Variants in BCR observed in about 807,000 individuals in gnomAD.
The protein encoded by BCR is breakpoint cluster region protein.
BCR carries 58 observed loss-of-function variants against 138.6 expected under a neutral mutation model. The ratio of observed to expected loss-of-function variants is 0.42; its 90% CI spans 0.34 to 0.52. The LOEUF (loss-of-function observed/expected upper bound fraction) is 0.52. Among genes scored for constraint, BCR ranks in the 20% least tolerant of loss-of-function variants. The pLI is 0.06. For missense variants in BCR, 1,599 were observed against 1,727.2 expected (o/e 0.93, Z 1.32); for synonymous variants, 786 against 730.1 (o/e 1.08, Z -1.23).
chr22:23,197,948 G>A (rs565359257), intron 1 of BCR, among the ~76,000 whole-genome samples: 13 of 152,228 alleles, frequency 8.5e-5, no homozygotes, highest in East Asian at 3.9e-4. Flanking sequence ...AGGGCCTTTC[G>A]GAGAGAGGAC....
chr22:23,252,326 C>A (rs566831467), intron 1 of BCR, among the ~76,000 whole-genome samples: 1 of 152,262 alleles, frequency 6.6e-6, no homozygotes, highest in South Asian at 2.1e-4. Context: ...CTGTGCTCCT[C>A]ACCCCATCAG....
At chr22:23,283,761 A>G (rs2073677079) in intron 8 of BCR, 2 of 575,470 alleles carry the variant, frequency 3.5e-6, no homozygotes, top group Non-Finnish European at 5.7e-6. Context: ...TTTGTTGAAC[A>G]AAGAAGTTAC....
At chr22:23,243,800 G>A (rs1442420146) in intron 1 of BCR, among the ~76,000 whole-genome samples, 6 of 151,788 alleles carry the variant, frequency 4.0e-5, no homozygotes, top group Non-Finnish European at 4.4e-5. Flanking sequence ...CTGCCACCAC[G>A]CCCAGCTAAT....
At chr22:23,212,914 G>A (rs1476298012) in intron 1 of BCR, among the ~76,000 whole-genome samples, 1 of 152,228 alleles carries the variant, frequency 6.6e-6, no homozygotes, top group Non-Finnish European at 1.5e-5. Context: ...TGTCTTGTCT[G>A]CAGAAAACTT....
At chr22:23,210,018 T>G (rs1442884760) in intron 1 of BCR, among the ~76,000 whole-genome samples, 1 of 152,224 alleles carries the variant, frequency 6.6e-6, no homozygotes, top group East Asian at 1.9e-4. Context: ...CTTCCTTTAC[T>G]GTTTCAACAA....
intron 20 of BCR, among the ~76,000 whole-genome samples, chr22:23,313,693 A>T (rs140427): frequency 5.9e-5 from 9 of 152,116 alleles, no homozygotes. Context: ...GTCCAAGGGC[A>T]GCTCTGCCCA....
At chr22:23,242,334 CG>C (rs1376020577) in intron 1 of BCR, among the ~76,000 whole-genome samples, 1 of 152,144 alleles carries the variant, frequency 6.6e-6, no homozygotes. Context: ...CTGCAGCCCC[CG>C]ATTCCATCTC....
In BCR at chr22:23,295,008, T is replaced by C; in HGVS notation, c.2881-16T>C. On this transcript the variant is annotated splice_polypyrimidine_tract_variant and intron_variant, in intron 15 of 22. Transcript: ENST00000305877. The stretch of plus-strand genomic sequence containing the variant: ...GTTTGTTCACACTGGACTTCCCTTC[T>C]CCCTTGGGGCTGCAGGAATTTGAGA... 6.2e-7 allele frequency: 1 copy of C among 1,613,290 alleles called. No individual in the cohort carries two copies. Among genetic ancestry groups the C allele is most frequent in the Non-Finnish European group, 8.5e-7 (1 of 1,179,436 alleles).
rs150700416 is a variant in BCR, at chr22:23,224,571, G to T, written c.1280-29228G>T. Among the ~76,000 whole-genome samples the T allele has an allele frequency of 4.2e-4, 64 of 152,306 alleles. No individual in the cohort carries two copies. In the East Asian group the frequency reaches 0.01, roughly 24 times the overall value. On this transcript the variant is annotated intron_variant, in intron 1 of 22. Transcript: ENST00000305877. ...CAGAGACGCTGGCCTCCTCAAAGGA[G>T]GAAAGACACCCTCCAAAACCTGCTG...
intron 16 of BCR, among the ~76,000 whole-genome samples, chr22:23,301,751 T>C (rs1456906587): frequency 1.3e-5 from 2 of 152,178 alleles, no homozygotes; most frequent in Admixed American, 1.3e-4. Context: ...GTCTTCTTGT[T>C]CTTGGGGACC....
intron 20 of BCR, among the ~76,000 whole-genome samples, chr22:23,313,337 G>A (rs529169930): frequency 1.2e-4 from 18 of 152,354 alleles, no homozygotes; most frequent in African/African-American, 4.3e-4. Context: ...GTGCCTGGGT[G>A]CTCTTGCCAT....
At chr22:23,268,335 C>G in intron 4 of BCR, 73 bp from the exon 5 acceptor site, 1 of 1,285,118 alleles carries the variant, frequency 7.8e-7, no homozygotes, top group South Asian at 1.3e-5. Flanking sequence ...GAGCTGTGCA[C>G]GGGAGCCTGC....
intron 1 of BCR, among the ~76,000 whole-genome samples, chr22:23,208,605 C>T (rs1415409069): frequency 6.6e-6 from 1 of 152,190 alleles, no homozygotes; most frequent in East Asian, 1.9e-4. Flanking sequence ...ATAATCCCAG[C>T]ACTTTGGGAG....
chr22:23,294,918 C>G, intron 15 of BCR, 106 bp from the exon 16 acceptor site: 1 of 1,442,382 alleles, frequency 6.9e-7, no homozygotes, highest in Non-Finnish European at 9.5e-7. Context: ...ATTGGTCCCT[C>G]TGGGCCAGCA....
intron 8 of BCR, among the ~76,000 whole-genome samples, chr22:23,275,808 T>A (rs9612274): frequency 0.025 from 3,787 of 152,328 alleles, 70 homozygotes; most frequent in Middle Eastern, 0.041. Context: ...ACTATTCTTT[T>A]ATGAGCGCTC....
chr22:23,195,504 A>T (rs1159019221), intron 1 of BCR, among the ~76,000 whole-genome samples: 1 of 151,740 alleles, frequency 6.6e-6, no homozygotes, highest in Non-Finnish European at 1.5e-5. Flanking sequence ...GTGGCAGGAG[A>T]ATTGTTTGAA....
intron 8 of BCR, among the ~76,000 whole-genome samples, chr22:23,282,055 G>A (rs2073652509): frequency 6.6e-6 from 1 of 152,190 alleles, no homozygotes; most frequent in African/African-American, 2.4e-5. Context: ...CTGCCATCCA[G>A]CCCCGCCACT....
chr22:23,240,965 G>A (rs894703907), intron 1 of BCR, among the ~76,000 whole-genome samples: 8 of 152,192 alleles, frequency 5.3e-5, no homozygotes, highest in Admixed American at 1.3e-4. Flanking sequence ...ATTTCACTTA[G>A]CATAATGTCC....
At chr22:23,254,032 A>G (rs2146267862) in intron 2 of BCR, 52 bp downstream of exon 2, 1 of 1,550,128 alleles carries the variant, frequency 6.5e-7, no homozygotes, top group East Asian at 2.3e-5. Flanking sequence ...GGCTCCCTGA[A>G]GCGCAGCCCC....
Sources: gnomAD v4.1 joint callset for allele counts (sites outside exome capture counted in the v4.1 genomes callset) on GRCh38, gnomAD v4.1.1 for gene constraint, MANE v1.5 for transcripts, NCBI Gene and HGNC (gene_info 2026-07-23, HGNC 2026-07-21) for gene names.